The following RSPH6A variants were observed in gnomAD, a reference collection of about 807,000 sequenced individuals.
RSPH6A encodes the protein radial spoke head 6 homolog A, also known as radial spoke head protein 6 homolog A.
Under a neutral mutation model 66.1 loss-of-function variants are expected in RSPH6A, and 49 were observed. The observed-to-expected ratio is 0.74, with a 90% CI of 0.59 to 0.94. The LOEUF is 0.94. Ranked by LOEUF, RSPH6A falls within the 40% of genes least tolerant of loss-of-function variation. The probability of loss-of-function intolerance (pLI) is 0.00; values close to 1 mark genes in which losing one functional copy is unlikely to be tolerated. For missense variants in RSPH6A, 977 were observed against 948.3 expected, an observed-to-expected ratio of 1.03 and a Z score of -0.40; for synonymous variants, 419 against 402.4, an observed-to-expected ratio of 1.04 and a Z score of -0.49.
At chr19:45,800,730 CCACACACACACACACACA>C (rs3045732) in intron 4 of RSPH6A, among the ~76,000 whole-genome samples, 167 bp from the exon 5 acceptor site, 85 of 113,350 alleles carry the variant, frequency 7.5e-4, no homozygotes, top group African/African-American at 2.4e-3. Flanking sequence ...TCGCTGCAGA[CCACACACACACACACACA>C]CACACACACA....
Position 45,804,002 on chromosome 19 carries a change from AAAAAG to A in RSPH6A, c.1653+245_1653+249del, listed in dbSNP as rs1243355398. Among the ~76,000 whole-genome samples, 16 of 151,538 alleles carry A rather than the reference AAAAAG, an allele frequency of 1.1e-4. No homozygotes were observed. The highest frequency in any genetic ancestry group is 5.8e-4 in the East Asian group (3 of 5,176). ...GAGCGAGACTCTGTCTCAAAAAAAA[AAAAAG>A]AAAAGAAAAGAAAAGAAAAAGAAAA... On this transcript the variant is annotated intron_variant, in intron 3 of 5. Transcript: ENST00000221538. This position sits in a 1 kb window ranked among gnomAD's most constrained non-coding sequence, Gnocchi z 5.8.
At chr19:45,797,380 CAA>C (rs1214975588) in intron 5 of RSPH6A, among the ~76,000 whole-genome samples, 16 of 68,182 alleles carry the variant, frequency 2.3e-4, no homozygotes, top group Non-Finnish European at 2.2e-4. Context: ...GACTCTGTCT[CAA>C]AAAAAAAAAA....
In RSPH6A at chr19:45,804,669, G is replaced by T. The variant is rs773950083; in HGVS notation, c.1236C>A (p.Pro412=). 4 of 1,613,834 alleles carry T rather than the reference G, an allele frequency of 2.5e-6. No homozygotes were observed. The highest frequency in any genetic ancestry group is 1.7e-5 in the Admixed American group (1 of 59,974). The change falls in exon 3 of 6, where the codon CCC becomes CCA. Residue 412 remains proline (P), a synonymous_variant. Coordinates refer to ENST00000221538, the MANE Select transcript of RSPH6A (RefSeq NM_030785.4). This position sits in a 1 kb window ranked among gnomAD's most constrained non-coding sequence, Gnocchi z 5.8. ...IVPKSVWKPP[P]VIPKEESRSG... ...AGCGGCTCTCCTCCTTGGGGATCAC[G>T]GGCGGCGGCTTCCATACGGACTTAG...
At chr19:45,810,543 C>T in intron 2 of RSPH6A, 60 bp downstream of exon 2, 1 of 1,504,532 alleles carries the variant, frequency 6.6e-7, no homozygotes, top group South Asian at 1.1e-5. Context: ...AGGCTGTGCC[C>T]TAAGTATGCT....
chr19:45,804,755 T>G lies in RSPH6A; in HGVS notation c.1150A>C (p.Met384Leu), dbSNP rs1022577465. The G allele has an allele frequency of 1.2e-6, 2 of 1,612,114 alleles. No homozygotes were observed. Among genetic ancestry groups the G allele is most frequent in the Non-Finnish European group, 1.7e-6 (2 of 1,179,068 alleles). The change falls in exon 3 of 6, where the codon ATG (methionine) becomes CTG (leucine). Residue 384 changes from methionine to leucine, a missense_variant. Physicochemically the swap from Met to Leu is conservative, Grantham distance 15 (BLOSUM62 2). Transcript: ENST00000221538. The surrounding 1 kb of genome is among the most constrained non-coding windows in gnomAD (Gnocchi z 5.8). ...CCCTCCTCCTCGCCGTGCGCCTCCA[T>G]GACCTCGCCACCTTCCGTCATCTCC... is the stretch of plus-strand genomic sequence containing the variant. ...VEEMTEGGEV[M>L]EAHGEEEGEE... is the part of the protein sequence containing the mutation.
Position 45,802,278 on chromosome 19 carries a change from G to T in RSPH6A, c.1654-14C>A, listed in dbSNP as rs1364961424. 3 of 1,359,342 alleles carry T rather than the reference G, an allele frequency of 2.2e-6. No individual in the cohort carries two copies. The highest frequency in any genetic ancestry group is 3.0e-5 in the African/African-American group (2 of 67,054). The allele number at this position is 1,359,342 out of a possible 1,614,324, so 84.2% of individuals were successfully genotyped here. On this transcript the variant is annotated splice_polypyrimidine_tract_variant and intron_variant, in intron 3 of 5. Transcript: ENST00000221538. ...AGTGCAGCGGCCCTGGGGGTGGGGGGAAGCTCAGGTGATGGCCCCAGTGCA... is the reference window on the plus strand; with the variant it reads ...AGTGCAGCGGCCCTGGGGGTGGGGGTAAGCTCAGGTGATGGCCCCAGTGCA...
At chr19:45,798,176 T>C (rs529295202) in intron 5 of RSPH6A, among the ~76,000 whole-genome samples, 32 of 150,880 alleles carry the variant, frequency 2.1e-4, no homozygotes, top group African/African-American at 7.1e-4. Flanking sequence ...CTGGCCAACA[T>C]GGTGAAACCC....
rs192140420 is a variant in RSPH6A, at chr19:45,796,279, A to C, written c.1917-173T>G. Among the ~76,000 whole-genome samples the C allele has an allele frequency of 1.5e-4, 23 of 149,738 alleles. No homozygotes were observed. The East Asian group carries it at 4.3e-3, about 28-fold the overall frequency. On this transcript the variant is annotated intron_variant, in intron 5 of 5. Transcript: ENST00000221538. ...AGCGATTCTCCTGCCTCAGCCTCCC[A>C]TGTAGCTGGGACTACAGGCACGCGT...
intron 3 of RSPH6A, 39 bp from the exon 4 acceptor site, chr19:45,802,303 A>T: frequency 7.6e-7 from 1 of 1,319,512 alleles, no homozygotes; most frequent in Non-Finnish European, 9.8e-7. Context: ...GCCCCAGTGC[A>T]CGGAACCCAG....
Position 45,804,278 on chromosome 19 carries a change from G to A in RSPH6A, c.1627C>T (p.His543Tyr), listed in dbSNP as rs150637164. Residue 543 changes from histidine to tyrosine, a missense_variant, in exon 3 of 6, where the codon CAT becomes TAT. Coordinates refer to ENST00000221538, the MANE Select transcript of RSPH6A (RefSeq NM_030785.4). The surrounding 1 kb of genome is among the most constrained non-coding windows in gnomAD (Gnocchi z 5.8). ...TGCGGCAGGATGTGCTGTGTGTGAT[G>A]CACCCAGTTGGCCATGGAGTCGACC... ...ELVDSMANWV[H>Y]HTQHILPQGR... is the part of the protein sequence containing the mutation. 9.9e-6 allele frequency: 16 copies of A among 1,612,832 alleles called. No individual in the cohort carries two copies. In the African/African-American group the frequency reaches 1.3e-4, roughly 13 times the overall value.
Position 45,806,670 on chromosome 19 carries a change from CAAAAAAAAAAAAAAAAAAAAAAAA to C in RSPH6A, c.889-1678_889-1655del, listed in dbSNP as rs71175223. Among the ~76,000 whole-genome samples, 16 of 29,152 alleles carry C rather than the reference CAAAAAAAAAAAAAAAAAAAAAAAA, an allele frequency of 5.5e-4. No individual in the cohort carries two copies. In the East Asian group the frequency reaches 0.015, roughly 28 times the overall value. The allele number at this position is 29,152 out of a possible 152,430, so 19.1% of individuals were successfully genotyped here. On this transcript the variant is annotated intron_variant, in intron 2 of 5. Coordinates refer to ENST00000221538, the MANE Select transcript of RSPH6A (RefSeq NM_030785.4). ...TGGGTGACAGAGTGAGACTCTGTCT[CAAAAAAAAAAAAAAAAAAAAAAAA>C]AAAAAAAAAAAAAAGGAGGCCGGCC... is the stretch of plus-strand genomic sequence containing the variant.
chr19:45,796,991 C>A (rs1024400953), intron 5 of RSPH6A, among the ~76,000 whole-genome samples: 1 of 152,106 alleles, frequency 6.6e-6, no homozygotes, highest in African/African-American at 2.4e-5. Flanking sequence ...ATTGCCGGAG[C>A]CCAGGAGTTT....
chr19:45,795,910 C>T lies in RSPH6A; in HGVS notation c.2113G>A (p.Glu705Lys), dbSNP rs372105700. 8.9e-5 allele frequency: 144 copies of T among 1,612,750 alleles called. No individual in the cohort carries two copies. The highest frequency in any genetic ancestry group is 1.2e-4 in the Non-Finnish European group (141 of 1,179,326). The change falls in exon 6 of 6, where the codon GAG (glutamate) becomes AAG (lysine). Residue 705 changes from glutamate (E) to lysine (K), a missense_variant. Transcript: ENST00000221538. ...QALGATEEEEEGEEEEEGEET... is the reference protein window; with the variant it reads ...QALGATEEEEKGEEEEEGEET... ...TCGCCCTCCTCCTCCTCCTCGCCCT[C>T]CTCCTCCTCCTCTGTGGCTCCCAGG... is the stretch of plus-strand genomic sequence containing the variant.
At position 45,795,980 on chromosome 19, in the gene RSPH6A, G is replaced by A; in HGVS notation, c.2043C>T (p.Pro681=). ...SGPEIMEMSD[P]TVEEEQALKA... ...TCAGAGCCTGCTCCTCTTCCACTGTGGGGTCACTCATCTCCATGATCTCTG... is the reference window on the plus strand; with the variant it reads ...TCAGAGCCTGCTCCTCTTCCACTGTAGGGTCACTCATCTCCATGATCTCTG... Residue 681 remains proline (P), a synonymous_variant, in exon 6 of 6, where the codon CCC becomes CCT. Transcript: ENST00000221538. The A allele has an allele frequency of 1.2e-6, 2 of 1,613,700 alleles. No individual in the cohort carries two copies. Among genetic ancestry groups the A allele is most frequent in the Non-Finnish European group, 8.5e-7 (1 of 1,179,930 alleles).
rs531779876 is a variant in RSPH6A at position 45,799,533 on chromosome 19, T to A, written c.1916+913A>T. The stretch of plus-strand genomic sequence containing the variant: ...CCGTGCCATCATGCCGGGCTGATTT[T>A]AAAAATTTTTTTAATTTTTTTTTTT... On this transcript the variant is annotated intron_variant, in intron 5 of 5. Coordinates refer to ENST00000221538, the MANE Select transcript of RSPH6A (RefSeq NM_030785.4). Among the ~76,000 whole-genome samples the A allele has an allele frequency of 3.9e-5, 6 of 152,070 alleles. No individual in the cohort carries two copies. The South Asian group carries it at 6.2e-4, about 16-fold the overall frequency.
intron 2 of RSPH6A, 111 bp from the exon 3 acceptor site, chr19:45,805,127 T>A: frequency 2.2e-6 from 2 of 904,630 alleles, no homozygotes; most frequent in Non-Finnish European, 3.3e-6. Flanking sequence ...CCGGGTGCAG[T>A]GGCTCACGCC....
chr19:45,799,746 C>T (rs1222060116), intron 5 of RSPH6A, among the ~76,000 whole-genome samples: 1 of 152,012 alleles, frequency 6.6e-6, no homozygotes, highest in Non-Finnish European at 1.5e-5. Context: ...GAGAGAAAAG[C>T]CTTCCAACTG....
In RSPH6A at chr19:45,814,635, C is replaced by A; in HGVS notation, c.542G>T (p.Gly181Val). ...CACCTGGGCACTGTAGTGTGGGAAG[C>A]CCAGCTCAGAGGGCAAGAACTGAAG... Reference protein sequence around the residue: ...PALQFLPSELGFPHYSAQVPE... With the variant: ...PALQFLPSELVFPHYSAQVPE... Residue 181 changes from glycine to valine, a missense_variant, in exon 1 of 6, where the codon GGC (glycine) becomes GTC (valine). By Grantham distance (109) the Gly-to-Val change is moderately radical. Transcript: ENST00000221538. 1.2e-6 allele frequency: 2 copies of A among 1,604,914 alleles called. No individual in the cohort carries two copies. The highest frequency in any genetic ancestry group is 1.1e-5 in the South Asian group (1 of 89,578).
At position 45,814,513 on chromosome 19, in the gene RSPH6A, T is replaced by G; in HGVS notation, c.650+14A>C. On this transcript the variant is annotated intron_variant, in intron 1 of 5. Coordinates refer to ENST00000221538, the MANE Select transcript of RSPH6A (RefSeq NM_030785.4). The stretch of plus-strand genomic sequence containing the variant: ...CTGGGTCCCCCACCCGCCCCACTCC[T>G]AGCCCCTGCTCACAGGCTGAGGTCG... 3.9e-6 allele frequency: 4 copies of G among 1,035,794 alleles called. No homozygotes were observed. The highest frequency in any genetic ancestry group is 5.4e-6 in the Non-Finnish European group (4 of 741,798). The allele number at this position is 1,035,794 out of a possible 1,614,324, so 64.2% of individuals were successfully genotyped here. A position where few individuals can be genotyped will look rare whatever the true frequency, so the allele number is the denominator to read the frequency against.
Sources: allele counts gnomAD v4.1 joint callset (sites outside exome capture counted in the v4.1 genomes callset), GRCh38; gene constraint gnomAD v4.1.1; non-coding constraint Gnocchi (gnomAD v3.1); transcripts MANE v1.5; gene names NCBI Gene and HGNC (gene_info 2026-07-23, HGNC 2026-07-21).